Variants in ARHGEF6 observed in about 807,000 individuals in gnomAD.
ARHGEF6 encodes the protein Rac/Cdc42 guanine nucleotide exchange factor 6, also known as rho guanine nucleotide exchange factor 6.
ARHGEF6 carries 9 observed loss-of-function variants against 70.3 expected under a neutral mutation model. The ratio of observed to expected loss-of-function variants is 0.13; its 90% CI spans 0.08 to 0.22. The LOEUF is 0.22. ARHGEF6 is among the 10% of genes least tolerant of loss of function. The pLI, the probability that ARHGEF6 is intolerant of heterozygous loss-of-function variation, is 1.00. For missense variants in ARHGEF6, 470 were observed against 563.0 expected, an observed-to-expected ratio of 0.83 and a Z score of 1.67; for synonymous variants, 201 against 207.8, an observed-to-expected ratio of 0.97 and a Z score of 0.28.
chrX:136,727,825 C>T (rs1299572975), intron 6 of ARHGEF6, among the ~76,000 whole-genome samples: 1 of 111,416 alleles, frequency 9.0e-6, no homozygotes, highest in Non-Finnish European at 1.9e-5. Context: ...TGAGCCACCA[C>T]ACCCGTATGT....
intron 2 of ARHGEF6, among the ~76,000 whole-genome samples, chrX:136,748,267 C>G (rs1325015615): frequency 1.8e-5 from 2 of 111,773 alleles, no homozygotes; most frequent in Non-Finnish European, 3.8e-5. Flanking sequence ...CCTATGGGCT[C>G]TTCCTGGCTT....
At chrX:136,704,864 T>C (rs2076610671) in intron 9 of ARHGEF6, among the ~76,000 whole-genome samples, 1 of 111,549 alleles carries the variant, frequency 9.0e-6, no homozygotes, top group South Asian at 3.8e-4. Flanking sequence ...TGCATATCAA[T>C]CTCACCATGA....
intron 2 of ARHGEF6, among the ~76,000 whole-genome samples, chrX:136,755,879 C>T (rs1410518643): frequency 1.8e-5 from 2 of 111,571 alleles, no homozygotes; most frequent in African/African-American, 3.3e-5. Flanking sequence ...TCAACATACA[C>T]GAAATACTTG....
intron 2 of ARHGEF6, among the ~76,000 whole-genome samples, chrX:136,769,841 C>A (rs2077351335): frequency 1.8e-5 from 2 of 112,121 alleles, no homozygotes; most frequent in Admixed American, 1.9e-4. Flanking sequence ...TTTTCCCTGC[C>A]TTCTCCATTC....
In ARHGEF6 at chrX:136,763,412, T is replaced by C. The variant is rs1398629298; in HGVS notation, c.250-15820A>G. Among the ~76,000 whole-genome samples, 3 of 112,367 alleles carry C rather than the reference T, an allele frequency of 2.7e-5. No homozygotes were observed. In the East Asian group the frequency reaches 8.3e-4, roughly 31 times the overall value. On this transcript the variant is annotated intron_variant, in intron 2 of 21. Transcript: ENST00000250617. Reference sequence around the variant, plus strand: ...CATAATTCTTAGTGCAAAGATGGGATGTCTCCTTTGCAGCCCAGATCTTCT... The same window carrying C: ...CATAATTCTTAGTGCAAAGATGGGACGTCTCCTTTGCAGCCCAGATCTTCT...
intron 9 of ARHGEF6, 65 bp from the exon 10 acceptor site, chrX:136,690,813 A>C (rs1378965591): frequency 9.0e-7 from 1 of 1,108,908 alleles, no homozygotes; most frequent in Non-Finnish European, 1.2e-6. Flanking sequence ...TATCAACCTA[A>C]AATTATTTTA....
chrX:136,729,904 T>C (rs980280575), intron 6 of ARHGEF6, among the ~76,000 whole-genome samples: 3 of 110,245 alleles, frequency 2.7e-5, no homozygotes, highest in Non-Finnish European at 5.7e-5. Context: ...TATACACACA[T>C]AGATATTACA....
At chrX:136,717,096 C>T (rs2076744088) in intron 6 of ARHGEF6, among the ~76,000 whole-genome samples, 1 of 111,836 alleles carries the variant, frequency 8.9e-6, no homozygotes, top group South Asian at 3.7e-4. Flanking sequence ...ATTAGTCAGA[C>T]ACCAAATCAC....
intron 5 of ARHGEF6, among the ~76,000 whole-genome samples, chrX:136,738,443 A>G (rs1185788406): frequency 8.9e-6 from 1 of 112,156 alleles, no homozygotes; most frequent in Non-Finnish European, 1.9e-5. Flanking sequence ...CAATGTCTAA[A>G]GCACCATGTT....
intron 10 of ARHGEF6, among the ~76,000 whole-genome samples, chrX:136,689,331 G>C (rs2073169921): frequency 8.9e-6 from 1 of 111,973 alleles, no homozygotes; most frequent in Non-Finnish European, 1.9e-5. Context: ...AGGAGAACAG[G>C]CTCCACTACA....
rs1195530260 is a variant in ARHGEF6 at position 136,749,494 on chromosome X, C to A, written c.250-1902G>T. Among the ~76,000 whole-genome samples the A allele has an allele frequency of 3.6e-5, 4 of 111,275 alleles. No individual in the cohort carries two copies. The East Asian group carries it at 1.1e-3, about 31-fold the overall frequency. On this transcript the variant is annotated intron_variant, in intron 2 of 21. Transcript: ENST00000250617. Reference sequence around the variant, plus strand: ...ATATTAGCAGAATAAGGCATGAGAGCAAAAGTTGTGATAAAAAACCTCTCC... The same window carrying A: ...ATATTAGCAGAATAAGGCATGAGAGAAAAAGTTGTGATAAAAAACCTCTCC...
At chrX:136,716,700 G>T (rs1200721735) in intron 6 of ARHGEF6, among the ~76,000 whole-genome samples, 1 of 111,986 alleles carries the variant, frequency 8.9e-6, no homozygotes, top group Non-Finnish European at 1.9e-5. Context: ...ATATACTAAG[G>T]ACTCTAACAG....
At chrX:136,719,004 TAAAA>T (rs35347859) in intron 6 of ARHGEF6, among the ~76,000 whole-genome samples, 2 of 60,169 alleles carry the variant, frequency 3.3e-5, no homozygotes, top group African/African-American at 5.8e-5. Context: ...TAATACTTGG[TAAAA>T]AAAAAAAAAA....
chrX:136,713,407 G>C, intron 6 of ARHGEF6, 37 bp from the exon 7 acceptor site: 2 of 1,038,988 alleles, frequency 1.9e-6, no homozygotes, highest in Non-Finnish European at 2.7e-6. Context: ...TAATCATCAC[G>C]ATAGTCTAAG....
intron 9 of ARHGEF6, among the ~76,000 whole-genome samples, chrX:136,692,927 T>C (rs926897909): frequency 1.2e-4 from 14 of 112,272 alleles, no homozygotes; most frequent in Admixed American, 7.5e-4. Flanking sequence ...ATTCAATTGA[T>C]GTTCAATTGC....
At position 136,745,244 on chromosome X, in the gene ARHGEF6, C is replaced by T. The variant is rs776924246; in HGVS notation, c.438G>A (p.Leu146=). The change falls in exon 4 of 22, where the codon CTG becomes CTA. Residue 146 remains leucine, a synonymous_variant. Transcript: ENST00000250617. ...QGAVSSTVSG[L]QRQSKTVEMT... is the part of the protein sequence containing the mutation. ...TTACCACTGTCTTTGACTGCCTTTG[C>T]AGCCCTGAAACTGTGCTAGAAACTG... 12 of 1,210,198 alleles carry T rather than the reference C, an allele frequency of 9.9e-6. No homozygotes were observed. The African/African-American group carries it at 1.7e-4, about 18-fold the overall frequency.
Position 136,780,848 on chromosome X carries a change from A to G in ARHGEF6, c.35T>C (p.Ile12Thr). 5.0e-6 allele frequency: 6 copies of G among 1,211,737 alleles called. No individual in the cohort carries two copies. The highest frequency in any genetic ancestry group is 6.7e-6 in the Non-Finnish European group (6 of 895,540). ...NPEEQIVTWL[I>T]SLGVLESPKK... ...AGGGGACTCTAAAACTCCCAAAGAT[A>G]TAAGCCATGTCACGATTTGTTCTTC... Residue 12 changes from isoleucine to threonine, a missense_variant, in exon 1 of 22, where the codon ATA (isoleucine) becomes ACA (threonine). Coordinates refer to ENST00000250617, the MANE Select transcript of ARHGEF6 (RefSeq NM_004840.3).
Position 136,706,930 on chromosome X carries a change from C to T in ARHGEF6, c.1024G>A (p.Val342Ile). ...TACCTGTGCTGAGTGAGCACATTTA[C>T]AGCTGAAGGATGGTTTGCACAGTAA... Reference protein sequence around the residue: ...LAYCANHPSAVNVLTQHSDEL... With the variant: ...LAYCANHPSAINVLTQHSDEL... Residue 342 changes from valine (V) to isoleucine (I), a missense_variant, in exon 9 of 22, where the codon GTA becomes ATA. Physicochemically the swap from Val to Ile is conservative, Grantham distance 29 (BLOSUM62 3). Around this residue, in one of 3 missense-constraint regions of ARHGEF6, gnomAD observed 379 missense variants for 449.3 expected, o/e 0.84. Coordinates refer to ENST00000250617, the MANE Select transcript of ARHGEF6 (RefSeq NM_004840.3). 8.3e-7 allele frequency: 1 copy of T among 1,211,725 alleles called. No homozygotes were observed. The highest frequency in any genetic ancestry group is 1.8e-5 in the South Asian group (1 of 57,007).
intron 2 of ARHGEF6, among the ~76,000 whole-genome samples, chrX:136,769,963 C>T (rs1301628896): frequency 8.9e-6 from 1 of 112,437 alleles, no homozygotes; most frequent in Non-Finnish European, 1.9e-5. Flanking sequence ...CAAATTACAG[C>T]AATAAATGAA....
Sources: allele counts gnomAD v4.1 joint callset (sites outside exome capture counted in the v4.1 genomes callset), GRCh38; gene constraint gnomAD v4.1.1; regional missense constraint gnomAD v4.1.1; transcripts MANE v1.5; gene names NCBI Gene and HGNC (gene_info 2026-07-23, HGNC 2026-07-21).